Variants in OSBPL3 observed in about 807,000 individuals in gnomAD.
OSBPL3 encodes the protein oxysterol binding protein like 3.
Under a neutral mutation model 120.1 loss-of-function variants are expected in OSBPL3, and 65 were observed. The observed-to-expected ratio is 0.54, with a 90% CI of 0.44 to 0.67. The LOEUF is 0.67. Among genes scored for constraint, OSBPL3 ranks in the 30% least tolerant of loss-of-function variants. The pLI, the probability that OSBPL3 is intolerant of heterozygous loss-of-function variation, is 0.00. For synonymous variants in OSBPL3, 416 were observed against 402.6 expected, an observed-to-expected ratio of 1.03 and a Z score of -0.40; for missense variants, 1,004 against 1,082.1, an observed-to-expected ratio of 0.93 and a Z score of 1.01.
rs1413339049 is a variant in OSBPL3, at chr7:24,862,036, G to A, written c.871-267C>T. 5.9e-5 allele frequency among the ~76,000 whole-genome samples: 9 copies of A among 152,042 alleles called. No homozygotes were observed. The highest frequency in any genetic ancestry group is 2.0e-4 in the Admixed American group (3 of 15,272). On this transcript the variant is annotated intron_variant, in intron 9 of 22. Transcript: ENST00000313367. The surrounding 1 kb of genome is among the most constrained non-coding windows in gnomAD (Gnocchi z 4.4). ...CAAGTAGCTGGGACTACAGGCGCCC[G>A]CCACCACGCCCGGCTAATTTTTTGT...
At chr7:24,848,946 G>C (rs978411803) in intron 12 of OSBPL3, 123 bp downstream of exon 12, 1 of 670,758 alleles carries the variant, frequency 1.5e-6, no homozygotes, top group Non-Finnish European at 2.7e-6. Flanking sequence ...GCACCCAGAG[G>C]AGGAGGGCAG....
chr7:24,901,353 G>GAA (rs71554010), intron 1 of OSBPL3, among the ~76,000 whole-genome samples: 5 of 141,072 alleles, frequency 3.5e-5, no homozygotes, highest in Non-Finnish European at 4.6e-5. Context: ...CTCCATCTCA[G>GAA]AAAAAAAAAA....
intron 1 of OSBPL3, among the ~76,000 whole-genome samples, chr7:24,941,285 T>C (rs1307433959): frequency 6.6e-6 from 1 of 152,170 alleles, no homozygotes; most frequent in Non-Finnish European, 1.5e-5. Flanking sequence ...TCTTATCAAT[T>C]TAGAAAAACC....
chr7:24,856,515 G>A (rs962638327), intron 10 of OSBPL3, among the ~76,000 whole-genome samples: 2 of 152,100 alleles, frequency 1.3e-5, no homozygotes, highest in Non-Finnish European at 2.9e-5. Context: ...CATGGGTACC[G>A]CTCTAGAAAG....
chr7:24,961,263 T>C (rs1246849680), intron 1 of OSBPL3, among the ~76,000 whole-genome samples: 1 of 152,162 alleles, frequency 6.6e-6, no homozygotes, highest in African/African-American at 2.4e-5. Flanking sequence ...TCATAAACTG[T>C]CTAATACTGA....
At position 24,871,742 on chromosome 7, in the gene OSBPL3, A is replaced by G. The variant is rs777706625; in HGVS notation, c.267T>C (p.Asp89=). The G allele has an allele frequency of 2.2e-5, 36 of 1,611,122 alleles. No homozygotes were observed. The East Asian group carries it at 4.2e-4, about 19-fold the overall frequency. Residue 89 remains aspartate, a splice_region_variant and synonymous_variant, in exon 4 of 23, where the codon GAT becomes GAC. Transcript: ENST00000313367. This position sits in a 1 kb window ranked among gnomAD's most constrained non-coding sequence, Gnocchi z 4.8. ...GILKYAKSQT[D]IEREKLHGCI... Reference sequence around the variant, plus strand: ...ACAGTGGGCCCACAAAAAGACTTACATCGGTTTGGCTCTTGGCATATTTCA... The same window carrying G: ...ACAGTGGGCCCACAAAAAGACTTACGTCGGTTTGGCTCTTGGCATATTTCA...
intron 1 of OSBPL3, among the ~76,000 whole-genome samples, chr7:24,924,018 A>C (rs1810732143): frequency 6.6e-6 from 1 of 152,248 alleles, no homozygotes. Context: ...TGGGAAACCT[A>C]CTTGGCTATC....
chr7:24,951,732 G>A (rs1248228692), intron 1 of OSBPL3, among the ~76,000 whole-genome samples: 2 of 152,102 alleles, frequency 1.3e-5, no homozygotes, highest in Non-Finnish European at 1.5e-5. Flanking sequence ...AACACACCAC[G>A]GGGGAGAAAC....
rs560389191 is a variant in OSBPL3 at position 24,955,412 on chromosome 7, A to G, written c.-150+24474T>C. On this transcript the variant is annotated intron_variant, in intron 1 of 22. Coordinates refer to ENST00000313367, the MANE Select transcript of OSBPL3 (RefSeq NM_015550.4). The surrounding 1 kb of genome is among the most constrained non-coding windows in gnomAD (Gnocchi z 4.3). ...TCCAGTGCTGGGAATACAGTGGTAG[A>G]CAAGATACATGTTGTTCCTGCTCTC... Among the ~76,000 whole-genome samples, 1 of 152,358 alleles carries G rather than the reference A, an allele frequency of 6.6e-6. No homozygotes were observed. Among genetic ancestry groups the G allele is most frequent in the South Asian group, 2.1e-4 (1 of 4,826 alleles).
chr7:24,802,362 T>G lies in OSBPL3; in HGVS notation c.2567+1953A>C, dbSNP rs1047173959. ...TAATTTGAACAGTCCCAAGGAGGAC[T>G]GCTACTGCTGAACAACTCTCGCTCT... On this transcript the variant is annotated intron_variant, in intron 22 of 22. Coordinates refer to ENST00000313367, the MANE Select transcript of OSBPL3 (RefSeq NM_015550.4). This position sits in a 1 kb window ranked among gnomAD's most constrained non-coding sequence, Gnocchi z 4.1. Among the ~76,000 whole-genome samples, 13 of 152,254 alleles carry G rather than the reference T, an allele frequency of 8.5e-5. No individual in the cohort carries two copies. Among genetic ancestry groups the G allele is most frequent in the African/African-American group, 2.9e-4 (12 of 41,474 alleles).
intron 1 of OSBPL3, among the ~76,000 whole-genome samples, chr7:24,978,741 C>G (rs1384320840): frequency 6.6e-6 from 1 of 152,204 alleles, no homozygotes; most frequent in African/African-American, 2.4e-5. Context: ...TGCCCTCATC[C>G]CAATACTCAA....
At chr7:24,902,630 G>A (rs1807209545) in intron 1 of OSBPL3, among the ~76,000 whole-genome samples, 1 of 151,134 alleles carries the variant, frequency 6.6e-6, no homozygotes, top group African/African-American at 2.4e-5. Context: ...TATTCAAAAC[G>A]GCCACACCAA....
At position 24,818,465 on chromosome 7, in the gene OSBPL3, G is replaced by C. The variant is rs1445161963; in HGVS notation, c.1948+1710C>G. Reference sequence around the variant, plus strand: ...GAGAGGTTGGGAAGGGAAAATGGAAGTATACTTCTGTAAATCTCACTATAT... The same window carrying C: ...GAGAGGTTGGGAAGGGAAAATGGAACTATACTTCTGTAAATCTCACTATAT... On this transcript the variant is annotated intron_variant, in intron 17 of 22. Coordinates refer to ENST00000313367, the MANE Select transcript of OSBPL3 (RefSeq NM_015550.4). The surrounding 1 kb of genome is among the most constrained non-coding windows in gnomAD (Gnocchi z 4.0). Among the ~76,000 whole-genome samples, 1 of 152,106 alleles carries C rather than the reference G, an allele frequency of 6.6e-6. No homozygotes were observed. Among genetic ancestry groups the C allele is most frequent in the Non-Finnish European group, 1.5e-5 (1 of 68,036 alleles).
intron 20 of OSBPL3, among the ~76,000 whole-genome samples, chr7:24,809,115 C>T (rs1171241806): frequency 6.6e-6 from 1 of 152,184 alleles, no homozygotes; most frequent in Non-Finnish European, 1.5e-5. Flanking sequence ...CACAGCCTAA[C>T]GGTTTAAACC....
rs558533121 is a variant in OSBPL3 at position 24,816,394 on chromosome 7, C to A, written c.2027+216G>T. On this transcript the variant is annotated intron_variant, in intron 18 of 22. Coordinates refer to ENST00000313367, the MANE Select transcript of OSBPL3 (RefSeq NM_015550.4). ...TTTTAATAAGCATCTATTCAGGGAA[C>A]TTTGGTCTCCAGGAGGCATTTCCAT... Among the ~76,000 whole-genome samples, 6 of 152,272 alleles carry A rather than the reference C, an allele frequency of 3.9e-5. 1 individual carries two copies. The South Asian group carries it at 1.2e-3, about 32-fold the overall frequency.
At position 24,883,692 on chromosome 7, in the gene OSBPL3, T is replaced by C. The variant is rs930953810; in HGVS notation, c.96+8685A>G. Reference sequence around the variant, plus strand: ...AACAATACAGACAGTTCAGCAACTTTCTGGAAGTGTTTTAAGATTTCAGTT... The same window carrying C: ...AACAATACAGACAGTTCAGCAACTTCCTGGAAGTGTTTTAAGATTTCAGTT... On this transcript the variant is annotated intron_variant, in intron 2 of 22. Coordinates refer to ENST00000313367, the MANE Select transcript of OSBPL3 (RefSeq NM_015550.4). The surrounding 1 kb of genome is among the most constrained non-coding windows in gnomAD (Gnocchi z 5.4). Among the ~76,000 whole-genome samples, 5 of 152,228 alleles carry C rather than the reference T, an allele frequency of 3.3e-5. No homozygotes were observed. Among genetic ancestry groups the C allele is most frequent in the African/African-American group, 7.2e-5 (3 of 41,454 alleles).
intron 1 of OSBPL3, among the ~76,000 whole-genome samples, chr7:24,941,009 C>T (rs1049643764): frequency 2.0e-5 from 3 of 151,942 alleles, no homozygotes; most frequent in South Asian, 2.1e-4. Context: ...TTAGTAGAGA[C>T]GGGGTTTCAC....
rs1207403280 is a variant in OSBPL3, at chr7:24,835,937, G to A, written c.1496-1201C>T. Reference sequence around the variant, plus strand: ...GTGGAGAGTGGGTGGAGGGTGGGTAGTGGGTGAGGATCAAAAACCTACCTA... The same window carrying A: ...GTGGAGAGTGGGTGGAGGGTGGGTAATGGGTGAGGATCAAAAACCTACCTA... On this transcript the variant is annotated intron_variant, in intron 14 of 22. Coordinates refer to ENST00000313367, the MANE Select transcript of OSBPL3 (RefSeq NM_015550.4). The surrounding 1 kb of genome is among the most constrained non-coding windows in gnomAD (Gnocchi z 4.8). Among the ~76,000 whole-genome samples the A allele has an allele frequency of 5.3e-5, 8 of 152,116 alleles. No homozygotes were observed. Among genetic ancestry groups the A allele is most frequent in the Non-Finnish European group, 1.2e-4 (8 of 68,048 alleles).
chr7:24,853,327 A>G (rs1375843804), intron 10 of OSBPL3, among the ~76,000 whole-genome samples: 1 of 152,254 alleles, frequency 6.6e-6, no homozygotes, highest in African/African-American at 2.4e-5. Flanking sequence ...AAAAAGACAC[A>G]ACATCTCCTT....
Sources: allele counts gnomAD v4.1 joint callset (sites outside exome capture counted in the v4.1 genomes callset), GRCh38; gene constraint gnomAD v4.1.1; non-coding constraint Gnocchi (gnomAD v3.1); transcripts MANE v1.5; gene names NCBI Gene and HGNC (gene_info 2026-07-23, HGNC 2026-07-21).